ZNF384: variants seen among roughly 807,000 people sequenced by gnomAD.
ZNF384 encodes the protein CAG repeat protein 1.
A neutral mutation model predicts 65.0 loss-of-function variants in ZNF384; 20 were observed. The observed-to-expected ratio is 0.31, with a 90% CI of 0.22 to 0.45. The LOEUF (loss-of-function observed/expected upper bound fraction) is 0.45, where lower values mean the gene tolerates loss of function less well. Among genes scored for constraint, ZNF384 ranks in the 20% least tolerant of loss-of-function variants. The probability of loss-of-function intolerance (pLI) is 1.00; values close to 1 mark genes in which losing one functional copy is unlikely to be tolerated. For synonymous variants in ZNF384, 310 were observed against 303.9 expected, an observed-to-expected ratio of 1.02 and a Z score of -0.21; for missense variants, 549 against 769.4, an observed-to-expected ratio of 0.71 and a Z score of 3.39.
chr12:6,680,104 G>T (rs1026572999), intron 2 of ZNF384, among the ~76,000 whole-genome samples: 4 of 152,208 alleles, frequency 2.6e-5, no homozygotes, highest in African/African-American at 9.7e-5. Flanking sequence ...AGGCCTACAG[G>T]CCGTGTGACA....
chr12:6,669,868 G>C (rs1950827082), intron 10 of ZNF384, among the ~76,000 whole-genome samples: 1 of 152,140 alleles, frequency 6.6e-6, no homozygotes, highest in African/African-American at 2.4e-5. Context: ...GTTGCAGTAA[G>C]CTGAAATCAC....
In ZNF384 at chr12:6,682,555, G is replaced by A. The variant is rs141976471; in HGVS notation, c.-5-3030C>T. 2.0e-5 allele frequency among the ~76,000 whole-genome samples: 3 copies of A among 152,232 alleles called. No homozygotes were observed. In the East Asian group the frequency reaches 5.8e-4, roughly 29 times the overall value. ...CCCAGCTACTTGGGAGGCTAAGGCA[G>A]GAGAATCATTTAAGCCCGAGAGGCA... On this transcript the variant is annotated intron_variant, in intron 2 of 11. Coordinates refer to ENST00000683879, the MANE Select transcript of ZNF384 (RefSeq NM_001385745.1).
At chr12:6,679,737 T>C (rs144865442) in intron 2 of ZNF384, among the ~76,000 whole-genome samples, 2 of 152,322 alleles carry the variant, frequency 1.3e-5, no homozygotes, top group East Asian at 3.9e-4. Flanking sequence ...TCCTACTTCA[T>C]GACTGTGAAA....
intron 10 of ZNF384, among the ~76,000 whole-genome samples, 160 bp downstream of exon 10, chr12:6,670,600 G>A (rs1272017470): frequency 2.0e-5 from 3 of 152,028 alleles, no homozygotes; most frequent in South Asian, 2.1e-4. Flanking sequence ...GTTTTACAAC[G>A]TCTATGTAGA....
chr12:6,667,691 C>T lies in ZNF384; in HGVS notation c.*23G>A, dbSNP rs753222876. On this transcript the variant is annotated 3_prime_UTR_variant, in exon 12 of 12. Coordinates refer to ENST00000683879, the MANE Select transcript of ZNF384 (RefSeq NM_001385745.1). ...ACACCAGGACTACTTCTTCCTCTTC[C>T]CAGTGGGTGGCAGCACGGATCTCTA... 2.5e-6 allele frequency: 4 copies of T among 1,614,016 alleles called. No homozygotes were observed. Among genetic ancestry groups the T allele is most frequent in the South Asian group, 1.1e-5 (1 of 91,076 alleles).
At chr12:6,674,470 C>A (rs1952732172) in intron 7 of ZNF384, among the ~76,000 whole-genome samples, 1 of 152,204 alleles carries the variant, frequency 6.6e-6, no homozygotes, top group Admixed American at 6.5e-5. Flanking sequence ...TAGCACAAGT[C>A]CCTCTTCTTT....
intron 10 of ZNF384, among the ~76,000 whole-genome samples, 153 bp from the exon 11 acceptor site, chr12:6,669,342 G>A (rs1174729835): frequency 6.6e-6 from 1 of 152,168 alleles, no homozygotes; most frequent in African/African-American, 2.4e-5. Flanking sequence ...AACTTGAGAA[G>A]CTACAGGCTA....
rs114648132 is a variant in ZNF384 at position 6,683,736 on chromosome 12, A to C, written c.-5-4211T>G. Among the ~76,000 whole-genome samples, 1,325 of 149,036 alleles carry C rather than the reference A, an allele frequency of 8.9e-3. 20 individuals carry two copies. The highest frequency in any genetic ancestry group is 0.031 in the African/African-American group (1,244 of 40,336). ...TGGATGTGAAAACGTAGGAAGGAGG[A>C]GGCTGAGCACGGTGGCTCATGCCTG... On this transcript the variant is annotated intron_variant, in intron 2 of 11. Coordinates refer to ENST00000683879, the MANE Select transcript of ZNF384 (RefSeq NM_001385745.1).
chr12:6,676,583 C>T (rs1274920427), intron 7 of ZNF384, among the ~76,000 whole-genome samples: 1 of 152,168 alleles, frequency 6.6e-6, no homozygotes, highest in Non-Finnish European at 1.5e-5. Flanking sequence ...GGACCCTGAT[C>T]CATTAGAAGG....
Position 6,666,787 on chromosome 12 carries a change from G to A in ZNF384, c.*927C>T, listed in dbSNP as rs1949889619. ...ACACAGAAATGGTTACAACAAAGATGGCCGTGATGAGTGAGTATAATATAT... is the reference window on the plus strand; with the variant it reads ...ACACAGAAATGGTTACAACAAAGATAGCCGTGATGAGTGAGTATAATATAT... On this transcript the variant is annotated 3_prime_UTR_variant, in exon 12 of 12. Coordinates refer to ENST00000683879, the MANE Select transcript of ZNF384 (RefSeq NM_001385745.1). 1 of 171,862 alleles carries A rather than the reference G, an allele frequency of 5.8e-6. No homozygotes were observed. The highest frequency in any genetic ancestry group is 2.0e-4 in the South Asian group (1 of 5,004). 10.6% of individuals were successfully genotyped at this position (171,862 alleles called of 1,614,324 possible). A position where few individuals can be genotyped will look rare whatever the true frequency, so the allele number is the denominator to read the frequency against.
In ZNF384 at chr12:6,666,631, AT is replaced by A; in HGVS notation, c.*1082del. The A allele has an allele frequency of 1.9e-5, 3 of 156,598 alleles. No individual in the cohort carries two copies. The highest frequency in any genetic ancestry group is 1.3e-4 in the East Asian group (1 of 7,538). 9.7% of individuals were successfully genotyped at this position (156,598 alleles called of 1,614,324 possible). A position where few individuals can be genotyped will look rare whatever the true frequency, so the allele number is the denominator to read the frequency against. On this transcript the variant is annotated 3_prime_UTR_variant, in exon 12 of 12. Coordinates refer to ENST00000683879, the MANE Select transcript of ZNF384 (RefSeq NM_001385745.1). ...TTCCTTTCCTCTGAAATCTGCCATG[AT>A]TTAAAAAAAAAAAAAAAAGACAAAA...
chr12:6,669,337 G>A (rs1056246856), intron 10 of ZNF384, 148 bp from the exon 11 acceptor site: 2 of 835,818 alleles, frequency 2.4e-6, no homozygotes, highest in Non-Finnish European at 3.6e-6. Context: ...AATGAAACTT[G>A]AGAAGCTACA....
At chr12:6,681,466 A>C (rs1955920198) in intron 2 of ZNF384, among the ~76,000 whole-genome samples, 1 of 152,170 alleles carries the variant, frequency 6.6e-6, no homozygotes, top group South Asian at 2.1e-4. Context: ...GAAACGAGTA[A>C]CAAAAAAAGT....
At chr12:6,670,656 T>A (rs1951173172) in intron 10 of ZNF384, 104 bp downstream of exon 10, 2 of 1,072,144 alleles carry the variant, frequency 1.9e-6, no homozygotes, top group African/African-American at 3.1e-5. Context: ...CCCTCAATAA[T>A]GTTTGAGTGT....
At chr12:6,668,148 A>G (rs2136352293) in intron 11 of ZNF384, 33 bp from the exon 12 acceptor site, 1 of 1,535,420 alleles carries the variant, frequency 6.5e-7, no homozygotes, top group South Asian at 1.3e-5. Context: ...GTTGAGGGAT[A>G]AAGAGGAAGG....
At chr12:6,683,875 G>C (rs1956995686) in intron 2 of ZNF384, among the ~76,000 whole-genome samples, 1 of 152,034 alleles carries the variant, frequency 6.6e-6, no homozygotes, top group Non-Finnish European at 1.5e-5. Flanking sequence ...ATATTAGCCA[G>C]GCATGGTGGC....
intron 1 of ZNF384, 109 bp from the exon 2 acceptor site, chr12:6,688,335 A>AC (rs1388365991): frequency 1.3e-5 from 2 of 152,312 alleles, no homozygotes; most frequent in East Asian, 3.9e-4. Context: ...AGGCAGGCAG[A>AC]CCCCCCAGCC....
chr12:6,672,621 G>A lies in ZNF384; in HGVS notation c.1005-89C>T. 1 of 1,331,552 alleles carries A rather than the reference G, an allele frequency of 7.5e-7. No individual in the cohort carries two copies. Among genetic ancestry groups the A allele is most frequent in the South Asian group, 1.4e-5 (1 of 73,980 alleles). 82.5% of individuals were successfully genotyped at this position (1,331,552 alleles called of 1,614,324 possible). A position where few individuals can be genotyped will look rare whatever the true frequency, so the allele number is the denominator to read the frequency against. ...TCTGCTGGGTGAAATGACGTTGCTT[G>A]ACGGATGAGAGCACCCCCTTCCTCC... On this transcript the variant is annotated intron_variant, in intron 8 of 11. Transcript: ENST00000683879. This position sits in a 1 kb window ranked among gnomAD's most constrained non-coding sequence, Gnocchi z 4.4.
rs139985572 is a variant in ZNF384 at position 6,678,356 on chromosome 12, G to C, written c.457C>G (p.Pro153Ala). 5.0e-5 allele frequency: 80 copies of C among 1,613,952 alleles called. No individual in the cohort carries two copies. Among genetic ancestry groups the C allele is most frequent in the Non-Finnish European group, 6.4e-5 (76 of 1,180,008 alleles). The change falls in exon 6 of 12, where the codon CCT becomes GCT. Residue 153 changes from proline (P) to alanine (A), a missense_variant. Pro to Ala is a conservative substitution (Grantham distance 27). This residue lies in a region of ZNF384 where 277 missense variants were observed against 337.2 expected (regional missense o/e 0.82). Transcript: ENST00000683879. This position sits in a 1 kb window ranked among gnomAD's most constrained non-coding sequence, Gnocchi z 4.9. ...SAPMIVSALP[P>A]GSQALQVVPD... ...ACAACCTGCAGGGCTTGTGAGCCAG[G>C]GGGAAGAGCTGAGACAATCATGGGA...
Sources: allele counts gnomAD v4.1 joint callset (sites outside exome capture counted in the v4.1 genomes callset), GRCh38; gene constraint gnomAD v4.1.1; regional missense constraint gnomAD v4.1.1; non-coding constraint Gnocchi (gnomAD v3.1); transcripts MANE v1.5; gene names NCBI Gene and HGNC (gene_info 2026-07-23, HGNC 2026-07-21).